Variants in NGEF observed in about 807,000 individuals in gnomAD.
NGEF encodes neuronal guanine nucleotide exchange factor.
In NGEF, 31 loss-of-function variants were observed where a neutral mutation model predicts 80.9. That is an observed-to-expected ratio of 0.38 (90% confidence interval 0.29 to 0.52). The LOEUF is 0.52. Among genes scored for constraint, NGEF ranks in the 20% least tolerant of loss-of-function variants. The probability of loss-of-function intolerance (pLI) is 0.84; values close to 1 mark genes in which losing one functional copy is unlikely to be tolerated. For synonymous variants in NGEF, 371 were observed against 370.2 expected (o/e 1.00, Z -0.03); for missense variants, 709 against 926.2 (o/e 0.77, Z 3.04).
intron 1 of NGEF, among the ~76,000 whole-genome samples, chr2:233,001,578 G>A (rs1335487038): frequency 6.6e-6 from 1 of 152,218 alleles, no homozygotes. Context: ...GGGAGGCAGA[G>A]GGTGATGAGG....
chr2:232,952,988 A>G, intron 3 of NGEF, among the ~76,000 whole-genome samples: 1 of 144,922 alleles, frequency 6.9e-6, no homozygotes, highest in African/African-American at 2.5e-5. Context: ...AAAAAAAAAA[A>G]AAAAAAAAAA....
chr2:232,884,584 A>G (rs555755086), intron 10 of NGEF, among the ~76,000 whole-genome samples: 21 of 152,304 alleles, frequency 1.4e-4, no homozygotes, highest in African/African-American at 4.8e-4. Flanking sequence ...GAATCAGAGA[A>G]GGGGCTGAGT....
At chr2:232,883,508 G>T (rs1691582262) in intron 11 of NGEF, 42 bp from the exon 12 acceptor site, 3 of 1,502,058 alleles carry the variant, frequency 2.0e-6, no homozygotes, top group Non-Finnish European at 2.7e-6. Context: ...GCCCCGAGGA[G>T]GCCTGTGGGG....
chr2:232,890,969 T>C, intron 8 of NGEF: 1 of 474,328 alleles, frequency 2.1e-6, no homozygotes, highest in Middle Eastern at 3.2e-4. Context: ...AGCGGTTCCC[T>C]CTGCGTGGAA....
At chr2:232,977,775 G>A (rs1293703049) in intron 1 of NGEF, among the ~76,000 whole-genome samples, 1 of 152,236 alleles carries the variant, frequency 6.6e-6, no homozygotes, top group Non-Finnish European at 1.5e-5. Context: ...AGGCACAGGC[G>A]GGGTGGTGGG....
At chr2:232,915,371 C>G (rs1157119068) in intron 5 of NGEF, among the ~76,000 whole-genome samples, 2 of 152,150 alleles carry the variant, frequency 1.3e-5, no homozygotes, top group Non-Finnish European at 2.9e-5. Context: ...CCCCTAATGT[C>G]TCAAGCTGGC....
chr2:232,944,372 T>C (rs1449576858), intron 3 of NGEF, among the ~76,000 whole-genome samples: 1 of 152,202 alleles, frequency 6.6e-6, no homozygotes, highest in Non-Finnish European at 1.5e-5. Flanking sequence ...GGTTATTCAT[T>C]GTGGCATTAT....
At chr2:232,966,994 T>C (rs1449417927) in intron 3 of NGEF, among the ~76,000 whole-genome samples, 1 of 152,148 alleles carries the variant, frequency 6.6e-6, no homozygotes, top group Admixed American at 6.5e-5. Flanking sequence ...CAATTGTCCA[T>C]GGCTATAGTT....
At position 232,932,163 on chromosome 2, in the gene NGEF, C is replaced by CTT. The variant is rs397988249; in HGVS notation, c.384-4979_384-4978dup. On this transcript the variant is annotated intron_variant, in intron 3 of 14. Coordinates refer to ENST00000264051, the MANE Select transcript of NGEF (RefSeq NM_019850.3). ...ATGAGTTCTCTCCAGAATCACCTTTCTTTTTTTTTTTTTTTTTTTGAGACA... is the reference window on the plus strand; with the variant it reads ...ATGAGTTCTCTCCAGAATCACCTTTCTTTTTTTTTTTTTTTTTTTTTGAGACA... 3.5e-3 allele frequency among the ~76,000 whole-genome samples: 410 copies of CTT among 115,564 alleles called. 16 individuals are homozygous for CTT. The highest frequency in any genetic ancestry group is 7.3e-3 in the African/African-American group (218 of 29,972). 75.8% of individuals were successfully genotyped at this position (115,564 alleles called of 152,430 possible).
At chr2:232,959,082 G>A (rs1342346222) in intron 3 of NGEF, among the ~76,000 whole-genome samples, 1 of 152,158 alleles carries the variant, frequency 6.6e-6, no homozygotes, top group Non-Finnish European at 1.5e-5. Context: ...CCTCCCCACA[G>A]TGTGTTTTAA....
intron 5 of NGEF, among the ~76,000 whole-genome samples, chr2:232,897,895 C>T (rs1292488621): frequency 6.6e-6 from 1 of 152,200 alleles, no homozygotes; most frequent in African/African-American, 2.4e-5. Flanking sequence ...AGCCTGTGGC[C>T]TCTCCGTGGC....
At chr2:232,909,838 C>T (rs932152709) in intron 5 of NGEF, among the ~76,000 whole-genome samples, 1 of 152,210 alleles carries the variant, frequency 6.6e-6, no homozygotes, top group East Asian at 1.9e-4. Flanking sequence ...AGTGTGGTCT[C>T]TTTCAGAATG....
intron 3 of NGEF, among the ~76,000 whole-genome samples, chr2:232,942,460 G>A (rs985142179): frequency 3.9e-5 from 6 of 152,146 alleles, no homozygotes; most frequent in African/African-American, 1.2e-4. Context: ...TCGGTAAATC[G>A]ACTGATTTAC....
At chr2:232,907,179 G>GAAAAAAAAAAAAAAAAAAAA (rs1455116424) in intron 5 of NGEF, among the ~76,000 whole-genome samples, 2 of 25,492 alleles carry the variant, frequency 7.8e-5, no homozygotes, top group Admixed American at 4.8e-4. Context: ...AAAAAGAAAA[G>GAAAAAAAAAAAAAAAAAAAA]AAAAAAAAGA....
At chr2:233,007,776 G>A (rs753492704) in intron 1 of NGEF, among the ~76,000 whole-genome samples, 2 of 152,152 alleles carry the variant, frequency 1.3e-5, no homozygotes, top group African/African-American at 2.4e-5. Flanking sequence ...GGCCAATGGC[G>A]AATGACTTTG....
At chr2:232,991,100 G>A (rs1474242822) in intron 1 of NGEF, among the ~76,000 whole-genome samples, 10 of 151,978 alleles carry the variant, frequency 6.6e-5, no homozygotes, top group Admixed American at 6.6e-4. Flanking sequence ...CTGATGAAGG[G>A]CATCTATGAA....
intron 3 of NGEF, among the ~76,000 whole-genome samples, chr2:232,935,756 A>T (rs1693314215): frequency 6.6e-6 from 1 of 152,260 alleles, no homozygotes; most frequent in South Asian, 2.1e-4. Context: ...TCAGGGTCAC[A>T]TGGTATGTCA....
intron 3 of NGEF, among the ~76,000 whole-genome samples, chr2:232,960,739 G>A (rs925735969): frequency 6.6e-5 from 10 of 152,162 alleles, no homozygotes; most frequent in Non-Finnish European, 1.2e-4. Flanking sequence ...TTAGCCAGAC[G>A]TGGTGGTGCA....
At chr2:232,902,154 C>T (rs1692376187) in intron 5 of NGEF, among the ~76,000 whole-genome samples, 1 of 152,236 alleles carries the variant, frequency 6.6e-6, no homozygotes, top group African/African-American at 2.4e-5. Flanking sequence ...CTCTGTTCCC[C>T]AGGATGACTC....
Sources: gnomAD v4.1 joint callset for allele counts (sites outside exome capture counted in the v4.1 genomes callset) on GRCh38, gnomAD v4.1.1 for gene constraint, MANE v1.5 for transcripts, NCBI Gene and HGNC (gene_info 2026-07-23, HGNC 2026-07-21) for gene names.